Variants in TNKS observed in about 807,000 individuals in gnomAD.
TNKS encodes tankyrase, also known as poly [ADP-ribose] polymerase tankyrase-1.
In TNKS, 72 loss-of-function variants were observed where a neutral mutation model predicts 135.8. That is an observed-to-expected ratio of 0.53 (90% confidence interval 0.44 to 0.64). The LOEUF is 0.64. TNKS is among the 30% of genes least tolerant of loss of function. TNKS has a pLI of 0.00. For missense variants in TNKS, 1,769 were observed against 1,674.0 expected, an observed-to-expected ratio of 1.06 and a Z score of -0.99; for synonymous variants, 849 against 649.3, an observed-to-expected ratio of 1.31 and a Z score of -4.68.
chr8:9,624,579 T>C (rs906374501), intron 3 of TNKS, among the ~76,000 whole-genome samples: 2 of 152,234 alleles, frequency 1.3e-5, no homozygotes, highest in African/African-American at 4.8e-5. Flanking sequence ...AGTCAAGATA[T>C]GGGACATTTC....
chr8:9,687,046 T>C (rs1803036637), intron 5 of TNKS, among the ~76,000 whole-genome samples: 1 of 152,192 alleles, frequency 6.6e-6, no homozygotes, highest in South Asian at 2.1e-4. Context: ...ACTGATGGCA[T>C]CTGCAGTGAA....
intron 5 of TNKS, among the ~76,000 whole-genome samples, chr8:9,689,714 C>G (rs185611333): frequency 6.2e-4 from 95 of 152,280 alleles, no homozygotes; most frequent in African/African-American, 2.1e-3. Flanking sequence ...GACTTTATCA[C>G]TTAAGGAACT....
chr8:9,690,480 C>A (rs138803706), intron 5 of TNKS, among the ~76,000 whole-genome samples: 7 of 152,164 alleles, frequency 4.6e-5, no homozygotes, highest in Non-Finnish European at 1.0e-4. Flanking sequence ...AAATTTTTGG[C>A]CAAGCATGGT....
intron 5 of TNKS, among the ~76,000 whole-genome samples, chr8:9,681,908 G>A (rs1802797993): frequency 6.6e-6 from 1 of 152,010 alleles, no homozygotes; most frequent in East Asian, 1.9e-4. Flanking sequence ...TCGTTACATG[G>A]CCCAGTGAGT....
At chr8:9,740,823 GTTGTT>G (rs1805907378) in intron 17 of TNKS, 2 of 60,496 alleles carry the variant, frequency 3.3e-5, no homozygotes, top group Non-Finnish European at 7.4e-5. Flanking sequence ...TGTAATTCTT[GTTGTT>G]TTTTTTTTTT....
intron 21 of TNKS, 48 bp from the exon 22 acceptor site, chr8:9,763,099 T>G: frequency 1.3e-6 from 1 of 762,886 alleles, no homozygotes. Flanking sequence ...AAATAGAGCC[T>G]GAGTAGTGTA....
At chr8:9,671,478 T>C (rs1322604443) in intron 3 of TNKS, among the ~76,000 whole-genome samples, 1 of 152,198 alleles carries the variant, frequency 6.6e-6, no homozygotes, top group Non-Finnish European at 1.5e-5. Flanking sequence ...CTTAAAAGCA[T>C]TTATACTAAG....
intron 20 of TNKS, among the ~76,000 whole-genome samples, chr8:9,760,587 G>C (rs927533625): frequency 1.3e-5 from 2 of 152,204 alleles, no homozygotes; most frequent in African/African-American, 4.8e-5. Context: ...TTGTAGACTA[G>C]TATATGGATT....
intron 5 of TNKS, among the ~76,000 whole-genome samples, chr8:9,698,603 A>G (rs1320342490): frequency 6.6e-6 from 1 of 152,182 alleles, no homozygotes; most frequent in African/African-American, 2.4e-5. Flanking sequence ...AATACCTAGT[A>G]AAATTTCCAA....
At position 9,659,969 on chromosome 8, in the gene TNKS, A is replaced by C. The variant is rs1418295933; in HGVS notation, c.995-19982A>C. Among the ~76,000 whole-genome samples the C allele has an allele frequency of 2.6e-5, 4 of 152,384 alleles. No homozygotes were observed. In the South Asian group the frequency reaches 8.3e-4, roughly 32 times the overall value. On this transcript the variant is annotated intron_variant, in intron 3 of 26. Transcript: ENST00000310430. ...GAATACTATAAACACCTCTATGCAA[A>C]TAAACTAGAAAATCTAGAAGAAATG...
At chr8:9,691,491 C>T (rs1803267130) in intron 5 of TNKS, among the ~76,000 whole-genome samples, 1 of 152,172 alleles carries the variant, frequency 6.6e-6, no homozygotes, top group African/African-American at 2.4e-5. Context: ...CATTTCTGAA[C>T]ATCCTATCTA....
chr8:9,768,864 A>AC (rs1343699649), intron 25 of TNKS, among the ~76,000 whole-genome samples: 1 of 152,152 alleles, frequency 6.6e-6, no homozygotes, highest in Non-Finnish European at 1.5e-5. Flanking sequence ...ATAGCATCCA[A>AC]CTCAAAAAGC....
intron 1 of TNKS, among the ~76,000 whole-genome samples, chr8:9,572,522 C>T (rs1415198428): frequency 6.6e-6 from 1 of 152,198 alleles, no homozygotes; most frequent in Non-Finnish European, 1.5e-5. Flanking sequence ...TCTTCTGTTT[C>T]ATGTCACTAG....
intron 1 of TNKS, among the ~76,000 whole-genome samples, chr8:9,577,037 G>A (rs532011788): frequency 2.0e-5 from 3 of 152,200 alleles, no homozygotes; most frequent in Admixed American, 1.3e-4. Context: ...GAGGGTAAGA[G>A]TTCAACTGTA....
rs189696076 is a variant in TNKS, at chr8:9,693,478, G to A, written c.1108-11185G>A. ...TGGCTGGAGGGAAAAAATAATAAACGTTTATATTATAGTATTTTCTCTACT... is the reference window on the plus strand; with the variant it reads ...TGGCTGGAGGGAAAAAATAATAAACATTTATATTATAGTATTTTCTCTACT... On this transcript the variant is annotated intron_variant, in intron 5 of 26. Coordinates refer to ENST00000310430, the MANE Select transcript of TNKS (RefSeq NM_003747.3). 3.0e-3 allele frequency among the ~76,000 whole-genome samples: 463 copies of A among 152,102 alleles called. 3 individuals carry two copies. The highest frequency in any genetic ancestry group is 0.011 in the African/African-American group (442 of 41,502).
At chr8:9,604,182 G>C (rs10097438) in intron 2 of TNKS, among the ~76,000 whole-genome samples, 43,935 of 151,866 alleles carry the variant, frequency 0.29, 6,661 homozygotes, top group East Asian at 0.39. Flanking sequence ...CCTCAGTGTA[G>C]ATATATTATG....
At chr8:9,665,897 T>C (rs1041786340) in intron 3 of TNKS, among the ~76,000 whole-genome samples, 3 of 152,202 alleles carry the variant, frequency 2.0e-5, no homozygotes, top group African/African-American at 4.8e-5. Flanking sequence ...AATATTTTTA[T>C]TGGATCCTTT....
rs1219147516 is a variant in TNKS, at chr8:9,734,935, C to G, written c.2384C>G (p.Thr795Arg). ...TPLDLVKEGDTDIQDLLRGDA... is the reference protein window; with the variant it reads ...TPLDLVKEGDRDIQDLLRGDA... ...TTGGATTTGGTAAAGGAAGGAGACACAGATATTCAGGACTTACTGAGAGGG... is the reference window on the plus strand; with the variant it reads ...TTGGATTTGGTAAAGGAAGGAGACAGAGATATTCAGGACTTACTGAGAGGG... The change falls in exon 16 of 27, where the codon ACA becomes AGA. Residue 795 changes from threonine (T) to arginine (R), a missense_variant. This residue lies in a region of TNKS where 722 missense variants were observed against 688.9 expected (regional missense o/e 1.05). Transcript: ENST00000310430. 1.9e-6 allele frequency: 3 copies of G among 1,614,028 alleles called. No individual in the cohort carries two copies. The highest frequency in any genetic ancestry group is 1.3e-5 in the African/African-American group (1 of 74,916).
intron 12 of TNKS, among the ~76,000 whole-genome samples, chr8:9,725,652 G>A (rs1170991506): frequency 6.6e-6 from 1 of 152,142 alleles, no homozygotes; most frequent in Non-Finnish European, 1.5e-5. Context: ...TGTTACATGA[G>A]TTGTCCAAAG....
Sources: allele counts gnomAD v4.1 joint callset (sites outside exome capture counted in the v4.1 genomes callset), GRCh38; gene constraint gnomAD v4.1.1; regional missense constraint gnomAD v4.1.1; transcripts MANE v1.5; gene names NCBI Gene and HGNC (gene_info 2026-07-23, HGNC 2026-07-21).